The following CCDC171 variants were observed in gnomAD, a reference collection of about 807,000 sequenced individuals.
CCDC171 encodes the protein coiled-coil domain-containing protein 171.
A neutral mutation model predicts 168.2 loss-of-function variants in CCDC171; 177 were observed. That is an observed-to-expected ratio of 1.05 (90% CI 0.93 to 1.19). The LOEUF is 1.19. CCDC171 is among the 50% of genes most tolerant of loss of function. The pLI, the probability that CCDC171 is intolerant of heterozygous loss-of-function variation, is 0.00. For missense variants in CCDC171, 1,991 were observed against 1,539.0 expected, an observed-to-expected ratio of 1.29 and a Z score of -4.91; for synonymous variants, 687 against 540.8, an observed-to-expected ratio of 1.27 and a Z score of -3.75.
chr9:15,562,949 A>G (rs374518573), intron 1 of CCDC171, among the ~76,000 whole-genome samples: 1 of 152,168 alleles, frequency 6.6e-6, no homozygotes, highest in African/African-American at 2.4e-5. Context: ...GGCTTTGGGC[A>G]AGACAGTTGA....
intron 20 of CCDC171, among the ~76,000 whole-genome samples, chr9:15,780,294 AG>A (rs903645354): frequency 3.9e-5 from 6 of 152,198 alleles, no homozygotes; most frequent in African/African-American, 1.4e-4. Flanking sequence ...TGCTCAGAGA[AG>A]GAAAATTTAA....
intron 20 of CCDC171, among the ~76,000 whole-genome samples, chr9:15,780,353 A>T (rs569050327): frequency 6.6e-6 from 1 of 152,068 alleles, no homozygotes; most frequent in Non-Finnish European, 1.5e-5. Flanking sequence ...AAAGTTATAC[A>T]TGACAACCTT....
intron 25 of CCDC171, among the ~76,000 whole-genome samples, chr9:15,924,371 AC>A (rs2132047961): frequency 6.6e-6 from 1 of 151,154 alleles, no homozygotes; most frequent in Non-Finnish European, 1.5e-5. Flanking sequence ...TGATATTGCT[AC>A]CTAATACAGA....
intron 23 of CCDC171, among the ~76,000 whole-genome samples, chr9:15,855,673 T>A (rs1359826164): frequency 6.6e-6 from 1 of 151,914 alleles, no homozygotes. Context: ...TACCATTTTT[T>A]ATTCCCTTCT....
chr9:15,967,215 T>C (rs1433547390), intron 25 of CCDC171, among the ~76,000 whole-genome samples: 2 of 152,170 alleles, frequency 1.3e-5, no homozygotes, highest in Non-Finnish European at 2.9e-5. Flanking sequence ...GGAACCAAAG[T>C]AGAAATGGCA....
At chr9:15,792,292 G>A (rs146910418) in intron 21 of CCDC171, among the ~76,000 whole-genome samples, 86 of 152,222 alleles carry the variant, frequency 5.6e-4, no homozygotes, top group Non-Finnish European at 5.9e-4. Context: ...AAAAAGAAAC[G>A]AACAAAGCTT....
chr9:15,837,522 T>A (rs1043081105), intron 21 of CCDC171, among the ~76,000 whole-genome samples: 3 of 152,206 alleles, frequency 2.0e-5, no homozygotes, highest in Admixed American at 6.5e-5. Context: ...CCCCAGAATA[T>A]ATATTTTTCA....
At chr9:15,664,734 T>A (rs1348316130) in intron 8 of CCDC171, among the ~76,000 whole-genome samples, 1 of 148,018 alleles carries the variant, frequency 6.8e-6, no homozygotes, top group Non-Finnish European at 1.5e-5. Context: ...GTTTCACTCT[T>A]GTTGCTCAGG....
At chr9:16,045,337 C>G (rs1425925215) in intron 1 of CCDC171, among the ~76,000 whole-genome samples, 1 of 152,178 alleles carries the variant, frequency 6.6e-6, no homozygotes, top group African/African-American at 2.4e-5. Context: ...CTTAACACAG[C>G]CCAGGAGGCT....
Position 15,745,651 on chromosome 9 carries a change from G to A in CCDC171, c.2671+20G>A, listed in dbSNP as rs763242348. 1 of 1,415,340 alleles carries A rather than the reference G, an allele frequency of 7.1e-7. No homozygotes were observed. Among genetic ancestry groups the A allele is most frequent in the Non-Finnish European group, 9.6e-7 (1 of 1,039,622 alleles). 87.7% of individuals were successfully genotyped at this position (1,415,340 alleles called of 1,614,324 possible). A position where few individuals can be genotyped will look rare whatever the true frequency, so the allele number is the denominator to read the frequency against. On this transcript the variant is annotated intron_variant, in intron 18 of 25. Coordinates refer to ENST00000380701, the MANE Select transcript of CCDC171 (RefSeq NM_173550.4). ...AAGCAGGTATGGTTCCTTCTTTTAT[G>A]TCCTTGCAAAATACATTTAAGAACA...
intron 3 of CCDC171, among the ~76,000 whole-genome samples, chr9:16,003,807 C>T (rs769379283): frequency 6.6e-6 from 1 of 152,210 alleles, no homozygotes; most frequent in African/African-American, 2.4e-5. Flanking sequence ...CCTACTTTCC[C>T]TTAACTGCAA....
At chr9:15,911,181 A>T (rs570048982) in intron 24 of CCDC171, among the ~76,000 whole-genome samples, 2 of 152,100 alleles carry the variant, frequency 1.3e-5, no homozygotes, top group African/African-American at 2.4e-5. Flanking sequence ...AAGTGTTCCT[A>T]TTTCTTCACA....
intron 3 of CCDC171, among the ~76,000 whole-genome samples, chr9:15,574,129 TCTTTTCTTTC>T (rs1348105530): frequency 6.6e-6 from 1 of 151,854 alleles, no homozygotes; most frequent in East Asian, 1.9e-4. Context: ...TTCAATTATT[TCTTTTCTTTC>T]TCTTTTTCTT....
chr9:15,720,678 A>G (rs1345537039), intron 11 of CCDC171, among the ~76,000 whole-genome samples: 1 of 152,222 alleles, frequency 6.6e-6, no homozygotes, highest in East Asian at 1.9e-4. Flanking sequence ...TGCAATCAAC[A>G]ATCAATTTTT....
chr9:15,690,510 C>G (rs2050709787), intron 10 of CCDC171, among the ~76,000 whole-genome samples: 1 of 151,686 alleles, frequency 6.6e-6, no homozygotes, highest in Non-Finnish European at 1.5e-5. Context: ...CTAAAATTTA[C>G]TAAACAAATT....
chr9:15,924,378 A>G (rs942098041), intron 25 of CCDC171, among the ~76,000 whole-genome samples: 12 of 151,416 alleles, frequency 7.9e-5, no homozygotes, highest in African/African-American at 2.9e-4. Context: ...GCTACCTAAT[A>G]CAGATGTTGG....
At chr9:15,643,399 A>C (rs1044860428) in intron 7 of CCDC171, among the ~76,000 whole-genome samples, 5 of 152,188 alleles carry the variant, frequency 3.3e-5, no homozygotes, top group Non-Finnish European at 7.3e-5. Flanking sequence ...TCTCTGCTAC[A>C]GTATGCATCA....
intron 24 of CCDC171, among the ~76,000 whole-genome samples, chr9:15,896,832 A>G (rs140932722): frequency 2.6e-5 from 4 of 152,224 alleles, no homozygotes; most frequent in East Asian, 1.9e-4. Flanking sequence ...AAATTCTTGT[A>G]TATGTACACA....
intron 1 of CCDC171, among the ~76,000 whole-genome samples, chr9:15,560,391 C>T (rs1046668084): frequency 1.3e-5 from 2 of 152,192 alleles, no homozygotes. Flanking sequence ...GGTCTTTTCA[C>T]ATAGTCCTGT....
Sources: allele counts gnomAD v4.1 joint callset (sites outside exome capture counted in the v4.1 genomes callset), GRCh38; gene constraint gnomAD v4.1.1; transcripts MANE v1.5; gene names NCBI Gene and HGNC (gene_info 2026-07-23, HGNC 2026-07-21).